FRK: variants seen among roughly 807,000 people sequenced by gnomAD.
FRK encodes the protein tyrosine-protein kinase FRK.
FRK carries 51 observed loss-of-function variants against 56.4 expected under a neutral mutation model. The observed-to-expected ratio is 0.90, with a 90% CI of 0.72 to 1.14. The LOEUF is 1.14. FRK is among the 50% of genes most tolerant of loss of function. The probability of loss-of-function intolerance (pLI) is 0.00; values close to 1 mark genes in which losing one functional copy is unlikely to be tolerated. For missense variants in FRK, 570 were observed against 601.4 expected, an observed-to-expected ratio of 0.95 and a Z score of 0.55; for synonymous variants, 245 against 217.9, an observed-to-expected ratio of 1.12 and a Z score of -1.10.
intron 2 of FRK, among the ~76,000 whole-genome samples, chr6:115,989,815 G>T (rs1326607575): frequency 6.6e-6 from 1 of 151,890 alleles, no homozygotes; most frequent in East Asian, 1.9e-4. Flanking sequence ...TAGTGGGATT[G>T]CTCAGTCAAA....
In FRK at chr6:115,942,161, A is replaced by G. The variant is rs1772211088; in HGVS notation, c.*253T>C. The G allele has an allele frequency of 1.1e-5, 4 of 349,230 alleles. No individual in the cohort carries two copies. Among genetic ancestry groups the G allele is most frequent in the Non-Finnish European group, 2.1e-5 (4 of 187,930 alleles). 21.6% of individuals were successfully genotyped at this position (349,230 alleles called of 1,614,324 possible). On this transcript the variant is annotated 3_prime_UTR_variant, in exon 8 of 8. Transcript: ENST00000606080. ...GGAAATGTAAGTATCTCTTAAAAAG[A>G]AAAATAACTTGGTTTAGTGTGCTTA...
the FRK span, among the ~76,000 whole-genome samples, chr6:116,081,354 C>G: frequency 6.6e-6 from 1 of 152,092 alleles, no homozygotes; most frequent in Non-Finnish European, 1.5e-5. Context: ...CATAATTCCA[C>G]TTGTAAAAAA....
Position 116,042,750 on chromosome 6 carries a change from G to A in FRK, c.344+17218C>T, listed in dbSNP as rs903773144. 6.6e-5 allele frequency among the ~76,000 whole-genome samples: 10 copies of A among 152,250 alleles called. No individual in the cohort carries two copies. In the South Asian group the frequency reaches 2.1e-3, roughly 32 times the overall value. On this transcript the variant is annotated intron_variant, in intron 1 of 7. Coordinates refer to ENST00000606080, the MANE Select transcript of FRK (RefSeq NM_002031.3). ...ACACACAACAATATTAACCTTAAAT[G>A]TAAATGGGCTAAATGCTGCAACTAA...
rs1270118755 is a variant in FRK, at chr6:115,937,630, T to C, written c.*4784A>G. The C allele has an allele frequency of 6.6e-6, 1 of 152,020 alleles. No homozygotes were observed. The highest frequency in any genetic ancestry group is 2.4e-5 in the African/African-American group (1 of 41,356). 9.4% of individuals were successfully genotyped at this position (152,020 alleles called of 1,614,324 possible). On this transcript the variant is annotated 3_prime_UTR_variant, in exon 8 of 8. Transcript: ENST00000606080. Reference sequence around the variant, plus strand: ...CTCAAGATAAAGGGATGGAGGAATATTTACGAAGCAAACGGAAAGCAGAAA... The same window carrying C: ...CTCAAGATAAAGGGATGGAGGAATACTTACGAAGCAAACGGAAAGCAGAAA...
At chr6:116,062,364 A>C (rs1433936273), upstream of FRK, among the ~76,000 whole-genome samples, 3 of 152,142 alleles carry the variant, frequency 2.0e-5, no homozygotes, top group Non-Finnish European at 4.4e-5. Context: ...TTTTGTTCCA[A>C]ATACAATAAT....
chr6:115,972,285 C>G (rs1434108205), intron 2 of FRK, among the ~76,000 whole-genome samples: 4 of 152,190 alleles, frequency 2.6e-5, no homozygotes, highest in African/African-American at 4.8e-5. Flanking sequence ...TTACACATCC[C>G]TTGCCCTGAC....
chr6:115,968,552 A>T lies in FRK; in HGVS notation c.630+24T>A, dbSNP rs770625065. The T allele has an allele frequency of 3.1e-6, 5 of 1,591,360 alleles. No individual in the cohort carries two copies. In the South Asian group the frequency reaches 5.8e-5, roughly 18 times the overall value. On this transcript the variant is annotated intron_variant, in intron 3 of 7. Transcript: ENST00000606080. ...GGAAAAAAGTTAACTTCAATAAAAA[A>T]ACACAGCTTGAAAGCATTTTCACCT...
intron 2 of FRK, among the ~76,000 whole-genome samples, chr6:115,993,893 T>C (rs1774718710): frequency 6.6e-6 from 1 of 152,080 alleles, no homozygotes; most frequent in Non-Finnish European, 1.5e-5. Flanking sequence ...CTGCTTTTTA[T>C]GCTTAATTTC....
intron 2 of FRK, among the ~76,000 whole-genome samples, chr6:116,001,824 A>G (rs1775073855): frequency 6.6e-6 from 1 of 151,180 alleles, no homozygotes; most frequent in South Asian, 2.1e-4. Context: ...CTTCTTTCGA[A>G]TTCCTTTTTG....
chr6:115,942,657 A>C (rs772742301), intron 7 of FRK, 32 bp from the exon 8 acceptor site: 1 of 1,538,362 alleles, frequency 6.5e-7, no homozygotes, highest in Non-Finnish European at 9.0e-7. Context: ...CAACAACAAC[A>C]AAAAAAACAA....
At chr6:116,057,319 G>GA (rs1339919003) in intron 1 of FRK, among the ~76,000 whole-genome samples, 2 of 152,228 alleles carry the variant, frequency 1.3e-5, no homozygotes, top group African/African-American at 4.8e-5. Context: ...ACTCACTGAA[G>GA]AAAAAATATT....
intron 2 of FRK, among the ~76,000 whole-genome samples, chr6:115,970,487 GA>G (rs1396146780): frequency 2.6e-5 from 4 of 152,088 alleles, no homozygotes; most frequent in African/African-American, 9.7e-5. Flanking sequence ...AAAAACAATT[GA>G]ATTAGCTAAA....
chr6:115,971,004 TTTC>T (rs1309683542), intron 2 of FRK, among the ~76,000 whole-genome samples: 1 of 152,192 alleles, frequency 6.6e-6, no homozygotes, highest in African/African-American at 2.4e-5. Context: ...CCTTATTCTG[TTTC>T]TTAACTTGGT....
intron 5 of FRK, 111 bp from the exon 6 acceptor site, chr6:115,944,536 C>T (rs1170105309): frequency 1.3e-6 from 1 of 760,194 alleles, no homozygotes; most frequent in East Asian, 2.7e-5. Context: ...AGTACAATGG[C>T]ACTGATCTGT....
chr6:116,028,671 T>A (rs905669214), intron 1 of FRK, among the ~76,000 whole-genome samples: 3 of 152,132 alleles, frequency 2.0e-5, no homozygotes, highest in African/African-American at 7.2e-5. Flanking sequence ...TGTGTGTATG[T>A]CTGAGTCTCC....
chr6:116,070,124 G>C, the FRK span, among the ~76,000 whole-genome samples: 2 of 144,194 alleles, frequency 1.4e-5, no homozygotes, highest in South Asian at 2.2e-4. Flanking sequence ...GAAGGAAACA[G>C]CCCATTATTT....
chr6:116,022,646 G>C (rs1255000206), intron 1 of FRK, among the ~76,000 whole-genome samples: 1 of 152,002 alleles, frequency 6.6e-6, no homozygotes. Flanking sequence ...AGTTGAAATA[G>C]AAGAAAACTT....
chr6:116,091,490 G>A, the FRK span, among the ~76,000 whole-genome samples: 6 of 152,210 alleles, frequency 3.9e-5, no homozygotes, highest in South Asian at 4.1e-4. Flanking sequence ...AACACTCACC[G>A]CGAAGGTCCG....
chr6:115,977,343 G>C (rs1774026950), intron 2 of FRK, among the ~76,000 whole-genome samples: 1 of 152,048 alleles, frequency 6.6e-6, no homozygotes. Context: ...CTCCTTTCCT[G>C]GGGAAAAATA....
Sources: allele counts gnomAD v4.1 joint callset (sites outside exome capture counted in the v4.1 genomes callset), GRCh38; gene constraint gnomAD v4.1.1; transcripts MANE v1.5; gene names NCBI Gene and HGNC (gene_info 2026-07-23, HGNC 2026-07-21).